Variants in CAMSAP2 observed in about 807,000 individuals in gnomAD.
The protein encoded by CAMSAP2 is calmodulin-regulated spectrin-associated protein 2.
In CAMSAP2, 26 loss-of-function variants were observed where a neutral mutation model predicts 146.1. The ratio of observed to expected loss-of-function variants is 0.18; its 90% CI spans 0.13 to 0.25. CAMSAP2 has a LOEUF of 0.25. Ranked by LOEUF, CAMSAP2 falls within the 10% of genes least tolerant of loss-of-function variation. CAMSAP2 has a pLI of 1.00. For missense variants in CAMSAP2, 1,381 were observed against 1,759.3 expected (o/e 0.78, Z 3.85); for synonymous variants, 499 against 596.6 (o/e 0.84, Z 2.38).
intron 4 of CAMSAP2, among the ~76,000 whole-genome samples, chr1:200,816,911 T>TGTATGTGTACACACACACGCGC (rs1666554629): frequency 2.0e-5 from 1 of 50,972 alleles, no homozygotes; most frequent in Non-Finnish European, 4.2e-5. Flanking sequence ...CACACACGCG[T>TGTATGTGTACACACACACGCGC]GTGTATGTGT....
At chr1:200,847,898 C>G (rs141628093) in intron 10 of CAMSAP2, 134 bp from the exon 11 acceptor site, 341 of 801,838 alleles carry the variant, frequency 4.3e-4, no homozygotes, top group Non-Finnish European at 4.7e-4. Context: ...ATAGCCCTCC[C>G]CTTACCTTGA....
At chr1:200,799,922 T>G (rs1316760000) in intron 2 of CAMSAP2, among the ~76,000 whole-genome samples, 1 of 152,208 alleles carries the variant, frequency 6.6e-6, no homozygotes, top group Non-Finnish European at 1.5e-5. Flanking sequence ...AATTTTGTTA[T>G]TTACCCAGTA....
rs1303690108 is a variant in CAMSAP2 at position 200,816,723 on chromosome 1, C to CGTGT, written c.645+1079_645+1080insGTGT. 7.6e-3 allele frequency among the ~76,000 whole-genome samples: 350 copies of CGTGT among 45,942 alleles called. 122 individuals carry two copies. The highest frequency in any genetic ancestry group is 0.016 in the Non-Finnish European group (283 of 18,144). 30.1% of individuals were successfully genotyped at this position (45,942 alleles called of 152,430 possible). On this transcript the variant is annotated intron_variant, in intron 4 of 16. Transcript: ENST00000358823. Reference sequence around the variant, plus strand: ...ATATATGTGTATATATACACACGCACATATATGTGTGTACACACACACGCG... The same window carrying CGTGT: ...ATATATGTGTATATATACACACGCACGTGTATATATGTGTGTACACACACACGCG...
At chr1:200,764,091 A>G (rs1418958897) in intron 2 of CAMSAP2, among the ~76,000 whole-genome samples, 1 of 152,046 alleles carries the variant, frequency 6.6e-6, no homozygotes, top group Non-Finnish European at 1.5e-5. Context: ...GAAAGAAACT[A>G]TTTTTTTAAA....
intron 4 of CAMSAP2, among the ~76,000 whole-genome samples, chr1:200,818,498 A>G (rs1169185499): frequency 6.6e-6 from 1 of 152,200 alleles, no homozygotes; most frequent in Non-Finnish European, 1.5e-5. Flanking sequence ...TAGCACATAC[A>G]TAGCATTTAC....
chr1:200,852,072 G>A (rs1667633250), intron 11 of CAMSAP2, among the ~76,000 whole-genome samples: 1 of 152,170 alleles, frequency 6.6e-6, no homozygotes, highest in Non-Finnish European at 1.5e-5. Context: ...CAGACTGTCA[G>A]TACCTCAACT....
At chr1:200,852,477 C>CA (rs1263491486) in intron 11 of CAMSAP2, 64 bp from the exon 12 acceptor site, 1 of 1,554,846 alleles carries the variant, frequency 6.4e-7, no homozygotes, top group Non-Finnish European at 8.7e-7. Context: ...GTGACTACAA[C>CA]AATTGAAAAT....
In CAMSAP2 at chr1:200,774,112, G is replaced by C. The variant is rs573406681; in HGVS notation, c.399+13014G>C. Among the ~76,000 whole-genome samples, 30 of 152,138 alleles carry C rather than the reference G, an allele frequency of 2.0e-4. No homozygotes were observed. In the South Asian group the frequency reaches 4.1e-3, roughly 21 times the overall value. On this transcript the variant is annotated intron_variant, in intron 2 of 16. Transcript: ENST00000358823. ...CCCAGTGTGTGTTGAGCAGATTGAT[G>C]CTCCAACACTGCCATGATATGGAAC...
chr1:200,856,369 G>C (rs1667752589), intron 15 of CAMSAP2, among the ~76,000 whole-genome samples: 1 of 152,192 alleles, frequency 6.6e-6, no homozygotes, highest in Admixed American at 6.5e-5. Flanking sequence ...GTCCGAAGAA[G>C]TTTTAGAGAA....
chr1:200,763,800 G>T (rs193252734), intron 2 of CAMSAP2, among the ~76,000 whole-genome samples: 422 of 152,186 alleles, frequency 2.8e-3, no homozygotes, highest in African/African-American at 9.3e-3. Context: ...TTTTGGCTGG[G>T]CGTGGTGGCT....
At chr1:200,807,650 A>C in intron 3 of CAMSAP2, 113 bp downstream of exon 3, 1 of 754,370 alleles carries the variant, frequency 1.3e-6, no homozygotes, top group South Asian at 4.6e-5. Context: ...GTGCAAACTT[A>C]AGTTGTAAAA....
At chr1:200,828,494 TTTG>T in intron 4 of CAMSAP2, 4 of 1,349,440 alleles carry the variant, frequency 3.0e-6, no homozygotes, top group Non-Finnish European at 4.1e-6. Flanking sequence ...TTTACTATAA[TTTG>T]TTAATTGAAG....
At chr1:200,778,321 C>T (rs894067579) in intron 2 of CAMSAP2, among the ~76,000 whole-genome samples, 13 of 152,020 alleles carry the variant, frequency 8.6e-5, no homozygotes, top group African/African-American at 3.1e-4. Flanking sequence ...TTGTTCCTCC[C>T]CCTTGACATT....
intron 2 of CAMSAP2, among the ~76,000 whole-genome samples, chr1:200,767,592 T>C (rs1351391494): frequency 1.3e-5 from 2 of 151,618 alleles, no homozygotes; most frequent in African/African-American, 4.8e-5. Flanking sequence ...AGAGGCTTGT[T>C]AAAAAAAATC....
intron 4 of CAMSAP2, among the ~76,000 whole-genome samples, chr1:200,823,699 T>G (rs1666832282): frequency 6.6e-6 from 1 of 152,238 alleles, no homozygotes; most frequent in Non-Finnish European, 1.5e-5. Flanking sequence ...GTAGTGTTTG[T>G]CAGGTTTCTC....
chr1:200,757,450 C>T (rs1427753128), intron 1 of CAMSAP2, among the ~76,000 whole-genome samples: 1 of 152,166 alleles, frequency 6.6e-6, no homozygotes, highest in East Asian at 1.9e-4. Context: ...AAACTCATCT[C>T]ATATCCTTTG....
chr1:200,828,135 A>G (rs1406744226), intron 4 of CAMSAP2, among the ~76,000 whole-genome samples: 1 of 152,128 alleles, frequency 6.6e-6, no homozygotes, highest in African/African-American at 2.4e-5. Flanking sequence ...TATTGAAATT[A>G]TCTTTCTACT....
intron 11 of CAMSAP2, 139 bp from the exon 12 acceptor site, chr1:200,852,402 A>C: frequency 1.2e-6 from 1 of 861,352 alleles, no homozygotes; most frequent in Non-Finnish European, 1.7e-6. Flanking sequence ...TAATTTCTCA[A>C]CCACACCCAC....
At chr1:200,768,070 T>G (rs1194095855) in intron 2 of CAMSAP2, among the ~76,000 whole-genome samples, 1 of 152,230 alleles carries the variant, frequency 6.6e-6, no homozygotes, top group Non-Finnish European at 1.5e-5. Flanking sequence ...TTTAAGGAGC[T>G]TCTGCATTGT....
Sources: gnomAD v4.1 joint callset for allele counts (sites outside exome capture counted in the v4.1 genomes callset) on GRCh38, gnomAD v4.1.1 for gene constraint, MANE v1.5 for transcripts, NCBI Gene and HGNC (gene_info 2026-07-23, HGNC 2026-07-21) for gene names.